The following TSNARE1 variants were observed in gnomAD, a reference collection of about 807,000 sequenced individuals.
TSNARE1 encodes the protein t-SNARE domain-containing protein 1.
Under a neutral mutation model 62.0 loss-of-function variants are expected in TSNARE1, and 49 were observed. The observed-to-expected ratio is 0.79, with a 90% confidence interval of 0.63 to 1.00. TSNARE1 has a LOEUF of 1.00. Ranked by LOEUF, TSNARE1 falls within the 50% of genes least tolerant of loss-of-function variation. The probability of loss-of-function intolerance (pLI) is 0.00; values close to 1 mark genes in which losing one functional copy is unlikely to be tolerated. For missense variants in TSNARE1, 755 were observed against 700.1 expected (o/e 1.08, Z -0.88); for synonymous variants, 328 against 294.4 (o/e 1.11, Z -1.17).
intron 13 of TSNARE1, among the ~76,000 whole-genome samples, chr8:142,222,117 C>T (rs1586759965): frequency 7.0e-6 from 1 of 143,264 alleles, no homozygotes; most frequent in Non-Finnish European, 1.5e-5. Context: ...CACTCATCCA[C>T]TCATTCACTC....
rs915013577 is a variant in TSNARE1 at position 142,314,241 on chromosome 8, C to T, written c.1131+143G>A. The T allele has an allele frequency of 7.1e-6, 5 of 705,202 alleles. No homozygotes were observed. The Admixed American group carries it at 1.1e-4, about 16-fold the overall frequency. The allele number at this position is 705,202 out of a possible 1,614,324, so 43.7% of individuals were successfully genotyped here. A position where few individuals can be genotyped will look rare whatever the true frequency, so the allele number is the denominator to read the frequency against. On this transcript the variant is annotated intron_variant, in intron 9 of 13. Coordinates refer to ENST00000524325, the MANE Select transcript of TSNARE1 (RefSeq NM_145003.5). ...CAGGGCCCAAAGGTCAAAATGCCCA[C>T]GTTTTCAAGGCTGTGCCTCAGGGCG...
At chr8:142,342,211 C>T (rs556559207) in intron 4 of TSNARE1, among the ~76,000 whole-genome samples, 18 of 152,380 alleles carry the variant, frequency 1.2e-4, no homozygotes, top group Admixed American at 9.8e-4. Context: ...GAGGAAGTTC[C>T]GGCAGCAAGG....
intron 12 of TSNARE1, among the ~76,000 whole-genome samples, chr8:142,258,406 C>A (rs1242470499): frequency 6.6e-6 from 1 of 151,652 alleles, no homozygotes; most frequent in Non-Finnish European, 1.5e-5. Flanking sequence ...GTATCTTGGA[C>A]AAGTCTTCTC....
intron 7 of TSNARE1, among the ~76,000 whole-genome samples, chr8:142,316,279 C>A (rs936944535): frequency 6.6e-6 from 1 of 151,730 alleles, no homozygotes; most frequent in Non-Finnish European, 1.5e-5. Flanking sequence ...GCCAGGGCAG[C>A]ACCTGGTCCC....
chr8:142,266,811 C>A (rs974542126), intron 12 of TSNARE1, among the ~76,000 whole-genome samples: 17 of 152,174 alleles, frequency 1.1e-4, no homozygotes, highest in Non-Finnish European at 1.5e-5. Context: ...GACTCCAAGA[C>A]GACATATGTT....
intron 6 of TSNARE1, among the ~76,000 whole-genome samples, chr8:142,328,092 T>TA (rs35581918): frequency 0.19 from 29,441 of 151,948 alleles, 2,964 homozygotes; most frequent in East Asian, 0.24. Context: ...CTGTGGAAAG[T>TA]AAAAAATGTC....
chr8:142,278,997 G>A (rs1251091039), intron 11 of TSNARE1, among the ~76,000 whole-genome samples: 1 of 152,224 alleles, frequency 6.6e-6, no homozygotes, highest in Non-Finnish European at 1.5e-5. Context: ...CTGGCTGGAG[G>A]TGCATATGGG....
chr8:142,287,601 C>T, intron 10 of TSNARE1, among the ~76,000 whole-genome samples: 1 of 130,810 alleles, frequency 7.6e-6, no homozygotes, highest in African/African-American at 3.0e-5. Context: ...AGTGGGCCGC[C>T]CTCCAGGTCG....
At chr8:142,378,151 T>G (rs1408360215) in intron 1 of TSNARE1, among the ~76,000 whole-genome samples, 1 of 152,212 alleles carries the variant, frequency 6.6e-6, no homozygotes, top group Non-Finnish European at 1.5e-5. Flanking sequence ...TTGTGCCGAT[T>G]GCCCCAAACA....
At chr8:142,275,616 TGCAAACACGA>T (rs1288798000) in intron 11 of TSNARE1, 2 of 985,380 alleles carry the variant, frequency 2.0e-6, no homozygotes, top group Middle Eastern at 5.2e-4. Flanking sequence ...CAGAGCCACA[TGCAAACACGA>T]GCAAACACGA....
At chr8:142,355,078 C>T (rs773750990) in intron 1 of TSNARE1, among the ~76,000 whole-genome samples, 2 of 152,202 alleles carry the variant, frequency 1.3e-5, no homozygotes, top group African/African-American at 4.8e-5. Flanking sequence ...AAAGACCAAC[C>T]CCCACCGCCA....
chr8:142,222,274 TCATC>T (rs1225170673), intron 13 of TSNARE1, among the ~76,000 whole-genome samples: 1 of 26,564 alleles, frequency 3.8e-5, no homozygotes, highest in African/African-American at 1.1e-4. Flanking sequence ...ACTCACTCAC[TCATC>T]CACTCATTCA....
At chr8:142,281,662 G>A (rs1175631283) in intron 11 of TSNARE1, among the ~76,000 whole-genome samples, 3 of 152,022 alleles carry the variant, frequency 2.0e-5, no homozygotes, top group Non-Finnish European at 4.4e-5. Context: ...TCATGGTGAG[G>A]ACCTCTCTAG....
chr8:142,355,240 C>T (rs887848037), intron 1 of TSNARE1, among the ~76,000 whole-genome samples: 8 of 152,230 alleles, frequency 5.3e-5, no homozygotes, highest in South Asian at 4.1e-4. Flanking sequence ...CCGCACTCCA[C>T]GGTAGTGGGG....
At chr8:142,275,637 G>A (rs1181478621) in intron 11 of TSNARE1, 2 of 985,332 alleles carry the variant, frequency 2.0e-6, no homozygotes, top group Non-Finnish European at 2.4e-6. Flanking sequence ...GCAAACACGA[G>A]CACGGGCAAG....
In TSNARE1 at chr8:142,345,278, C is replaced by A. The variant is rs973731392; in HGVS notation, c.238+465G>T. Among the ~76,000 whole-genome samples the A allele has an allele frequency of 2.0e-5, 3 of 152,360 alleles. No individual in the cohort carries two copies. The East Asian group carries it at 5.8e-4, about 29-fold the overall frequency. ...AGAAGCACTCAAGTACAGGCCTCTCCCTGGGGGCCTGGTGTCCCAGAAGGA... is the reference window on the plus strand; with the variant it reads ...AGAAGCACTCAAGTACAGGCCTCTCACTGGGGGCCTGGTGTCCCAGAAGGA... On this transcript the variant is annotated intron_variant, in intron 3 of 13. Transcript: ENST00000524325.
At chr8:142,289,895 C>T (rs1405115409) in intron 10 of TSNARE1, among the ~76,000 whole-genome samples, 1 of 152,030 alleles carries the variant, frequency 6.6e-6, no homozygotes, top group Non-Finnish European at 1.5e-5. Context: ...GCAGCTGGGC[C>T]TGTCGCTGAT....
intron 2 of TSNARE1, among the ~76,000 whole-genome samples, chr8:142,351,322 A>AC (rs1263401002): frequency 1.3e-5 from 2 of 152,246 alleles, no homozygotes; most frequent in Non-Finnish European, 2.9e-5. Context: ...TTACATGCAC[A>AC]CACCAGCAAG....
chr8:142,260,650 T>C (rs1283666705), intron 12 of TSNARE1, among the ~76,000 whole-genome samples: 1 of 152,002 alleles, frequency 6.6e-6, no homozygotes, highest in Non-Finnish European at 1.5e-5. Context: ...CTGCATGTCT[T>C]CATCTCACCC....
Sources: gnomAD v4.1 joint callset for allele counts (sites outside exome capture counted in the v4.1 genomes callset) on GRCh38, gnomAD v4.1.1 for gene constraint, MANE v1.5 for transcripts, NCBI Gene and HGNC (gene_info 2026-07-23, HGNC 2026-07-21) for gene names.